Variants in KIAA2012 observed in about 807,000 individuals in gnomAD.
The protein encoded by KIAA2012 is uncharacterized protein KIAA2012.
Under a neutral mutation model 150.6 loss-of-function variants are expected in KIAA2012, and 125 were observed. The ratio of observed to expected loss-of-function variants is 0.83; its 90% CI spans 0.72 to 0.96. The LOEUF is 0.96. Ranked by LOEUF, KIAA2012 falls within the 40% of genes least tolerant of loss-of-function variation. KIAA2012 has a pLI of 0.00. For missense variants in KIAA2012, 1,219 were observed against 1,354.9 expected, an observed-to-expected ratio of 0.90 and a Z score of 1.57; for synonymous variants, 462 against 504.7, an observed-to-expected ratio of 0.92 and a Z score of 1.13.
At chr2:202,130,813 G>A (rs891530242) in intron 12 of KIAA2012, among the ~76,000 whole-genome samples, 10 of 152,144 alleles carry the variant, frequency 6.6e-5, no homozygotes, top group African/African-American at 2.2e-4. Context: ...GCTACTCTGG[G>A]GGCTCAGGCA....
chr2:202,102,390 C>G (rs1443426767), intron 7 of KIAA2012, among the ~76,000 whole-genome samples: 1 of 152,164 alleles, frequency 6.6e-6, no homozygotes, highest in Non-Finnish European at 1.5e-5. Context: ...GTTTCAAACA[C>G]TATTATAATT....
At chr2:202,135,816 G>A (rs2105942820) in intron 12 of KIAA2012, 1 of 162,902 alleles carries the variant, frequency 6.1e-6, no homozygotes, top group East Asian at 1.8e-4. Context: ...CAGCTGTGAT[G>A]TGGCAAGCTC....
intron 15 of KIAA2012, among the ~76,000 whole-genome samples, chr2:202,176,279 C>T (rs1189493069): frequency 1.3e-5 from 2 of 151,894 alleles, no homozygotes; most frequent in Admixed American, 1.3e-4. Context: ...TCACTGCAAC[C>T]TCTGTCCCCT....
At position 202,099,733 on chromosome 2, in the gene KIAA2012, A is replaced by C; in HGVS notation, c.949A>C (p.Ser317Arg). ...HGRIDHSWLP[S>R]DKSHITFCGG... ...CCGCATCGATCACTCTTGGCTCCCA[A>C]GTGACAAATCCCACATTACATTCTG... is the stretch of plus-strand genomic sequence containing the variant. The change falls in exon 6 of 24, where the codon AGT becomes CGT. Residue 317 changes from serine to arginine, a missense_variant. Coordinates refer to ENST00000498697, the MANE Select transcript of KIAA2012 (RefSeq NM_001277372.4). 1 of 1,550,610 alleles carries C rather than the reference A, an allele frequency of 6.4e-7. No homozygotes were observed. Among genetic ancestry groups the C allele is most frequent in the Non-Finnish European group, 8.7e-7 (1 of 1,146,996 alleles).
intron 15 of KIAA2012, among the ~76,000 whole-genome samples, chr2:202,178,140 A>C (rs1692035610): frequency 6.6e-6 from 1 of 152,180 alleles, no homozygotes; most frequent in South Asian, 2.1e-4. Flanking sequence ...TGGAGGTTGC[A>C]GTGAGCTGAG....
intron 21 of KIAA2012, 57 bp downstream of exon 21, chr2:202,194,419 T>C: frequency 1.3e-6 from 2 of 1,531,098 alleles, no homozygotes; most frequent in African/African-American, 2.8e-5. Context: ...GAAACACTTT[T>C]ATCCAGCTGT....
In KIAA2012 at chr2:202,204,870, A is replaced by C. The variant is rs547816306; in HGVS notation, c.*21-128A>C. 2.6e-5 allele frequency: 4 copies of C among 152,368 alleles called. No homozygotes were observed. In the South Asian group the frequency reaches 6.2e-4, roughly 24 times the overall value. The allele number at this position is 152,368 out of a possible 1,614,324, so 9.4% of individuals were successfully genotyped here. A position where few individuals can be genotyped will look rare whatever the true frequency, so the allele number is the denominator to read the frequency against. ...TTCATTCATTCAATCAATTCATTCA[A>C]TACTACTTAATCAGATAAGAAAGGA... is the stretch of plus-strand genomic sequence containing the variant. On this transcript the variant is annotated intron_variant, in intron 23 of 23. Coordinates refer to ENST00000498697, the MANE Select transcript of KIAA2012 (RefSeq NM_001277372.4).
chr2:202,184,802 T>G lies in KIAA2012; in HGVS notation c.2169T>G (p.Thr723=). 1 of 1,549,728 alleles carries G rather than the reference T, an allele frequency of 6.5e-7. No individual in the cohort carries two copies. Among genetic ancestry groups the G allele is most frequent in the Non-Finnish European group, 8.7e-7 (1 of 1,146,632 alleles). ...MTLDSPRASR[T]EHIQTPEADI... ...TTGACTCTCCCAGGGCTTCCCGGAC[T>G]GAGCACATCCAGACCCCAGAAGCAG... is the stretch of plus-strand genomic sequence containing the variant. The change falls in exon 16 of 24, where the codon ACT becomes ACG. Residue 723 remains threonine (T), a synonymous_variant. Transcript: ENST00000498697.
At chr2:202,127,924 T>C (rs1170619269) in intron 12 of KIAA2012, among the ~76,000 whole-genome samples, 2 of 152,186 alleles carry the variant, frequency 1.3e-5, no homozygotes, top group African/African-American at 4.8e-5. Context: ...CTTTTCATCT[T>C]GCAAAACTGA....
intron 2 of KIAA2012, among the ~76,000 whole-genome samples, chr2:202,087,545 C>T (rs1467290887): frequency 4.2e-5 from 6 of 141,510 alleles, no homozygotes; most frequent in Non-Finnish European, 6.1e-5. Flanking sequence ...AGGCTGCTAA[C>T]CCCTGATTTA....
chr2:202,086,671 C>T (rs975979758), intron 2 of KIAA2012, among the ~76,000 whole-genome samples: 2 of 152,140 alleles, frequency 1.3e-5, no homozygotes, highest in African/African-American at 2.4e-5. Flanking sequence ...TCTAAGCATT[C>T]GTTTAATTCA....
In KIAA2012 at chr2:202,097,494, C is replaced by T. The variant is rs530962060; in HGVS notation, c.745C>T (p.Leu249=). 6.4e-7 allele frequency: 1 copy of T among 1,550,430 alleles called. No individual in the cohort carries two copies. Among genetic ancestry groups the T allele is most frequent in the African/African-American group, 1.4e-5 (1 of 73,116 alleles). ...TGCTGGACACGTGGACCAGGGCCCTCTAGCCAAGAACCATGGCAGTCAGGG... is the reference window on the plus strand; with the variant it reads ...TGCTGGACACGTGGACCAGGGCCCTTTAGCCAAGAACCATGGCAGTCAGGG... The part of the protein sequence containing the change: ...GAAGHVDQGP[L]AKNHGSQGTR... Residue 249 remains leucine (L), a synonymous_variant, in exon 5 of 24, where the codon CTA becomes TTA. Coordinates refer to ENST00000498697, the MANE Select transcript of KIAA2012 (RefSeq NM_001277372.4).
chr2:202,149,951 CT>C (rs905769264), intron 13 of KIAA2012, among the ~76,000 whole-genome samples: 1 of 152,186 alleles, frequency 6.6e-6, no homozygotes, highest in African/African-American at 2.4e-5. Context: ...TAAGATGCGT[CT>C]GTAATTTTAA....
intron 2 of KIAA2012, among the ~76,000 whole-genome samples, chr2:202,086,167 C>CAAAAAAAA (rs56207993): frequency 2.0e-4 from 18 of 89,818 alleles, no homozygotes; most frequent in African/African-American, 2.6e-4. Flanking sequence ...AACTCTGTCT[C>CAAAAAAAA]AAAAAAAAAA....
intron 14 of KIAA2012, among the ~76,000 whole-genome samples, chr2:202,161,007 G>C (rs994777595): frequency 6.6e-6 from 1 of 152,156 alleles, no homozygotes; most frequent in African/African-American, 2.4e-5. Context: ...TGCCCAGCAG[G>C]GGGGCTGTGC....
intron 15 of KIAA2012, among the ~76,000 whole-genome samples, chr2:202,182,193 C>G (rs1214739137): frequency 6.8e-6 from 1 of 146,400 alleles, no homozygotes; most frequent in Non-Finnish European, 1.5e-5. Flanking sequence ...CAGTTCACTG[C>G]AACCTCCACC....
At chr2:202,086,827 C>T (rs1689581863) in intron 2 of KIAA2012, among the ~76,000 whole-genome samples, 1 of 152,196 alleles carries the variant, frequency 6.6e-6, no homozygotes, top group Non-Finnish European at 1.5e-5. Context: ...GCTGCTTGTG[C>T]ATTTTGGGCT....
At chr2:202,179,747 C>A in intron 15 of KIAA2012, 1 of 645,028 alleles carries the variant, frequency 1.6e-6, no homozygotes, top group Non-Finnish European at 3.0e-6. Flanking sequence ...TCAGATCCAT[C>A]TGGAGCTTAC....
At chr2:202,115,727 GT>G (rs1304414604) in intron 11 of KIAA2012, 1 of 104,086 alleles carries the variant, frequency 9.6e-6, no homozygotes, top group Non-Finnish European at 1.9e-5. Flanking sequence ...TTGTTGCTGG[GT>G]TTTTTGTTTT....
Sources: gnomAD v4.1 joint callset for allele counts (sites outside exome capture counted in the v4.1 genomes callset) on GRCh38, gnomAD v4.1.1 for gene constraint, MANE v1.5 for transcripts, NCBI Gene and HGNC (gene_info 2026-07-23, HGNC 2026-07-21) for gene names.